Variants in MRTFB observed in about 807,000 individuals in gnomAD.
The protein encoded by MRTFB is myocardin-related transcription factor B.
Under a neutral mutation model 104.2 loss-of-function variants are expected in MRTFB, and 29 were observed. That is an observed-to-expected ratio of 0.28 (90% confidence interval 0.21 to 0.38). The LOEUF is 0.38. Ranked by LOEUF, MRTFB falls within the 10% of genes least tolerant of loss-of-function variation. The probability of loss-of-function intolerance (pLI) is 1.00; values close to 1 mark genes in which losing one functional copy is unlikely to be tolerated. For synonymous variants in MRTFB, 535 were observed against 519.5 expected (o/e 1.03, Z -0.41); for missense variants, 1,270 against 1,341.6 (o/e 0.95, Z 0.83).
chr16:14,022,673 G>A, the MRTFB span, among the ~76,000 whole-genome samples: 2 of 151,734 alleles, frequency 1.3e-5, no homozygotes, highest in Non-Finnish European at 2.9e-5. Flanking sequence ...TTACAGGCAT[G>A]AGCCACCATG....
chr16:14,236,062 C>T (rs1298505663), intron 9 of MRTFB, among the ~76,000 whole-genome samples: 2 of 152,076 alleles, frequency 1.3e-5, no homozygotes, highest in East Asian at 3.9e-4. Flanking sequence ...CACACCTATG[C>T]TCCCAGCTAC....
At chr16:14,126,206 T>A (rs2037102299) in intron 2 of MRTFB, among the ~76,000 whole-genome samples, 1 of 152,122 alleles carries the variant, frequency 6.6e-6, no homozygotes, top group African/African-American at 2.4e-5. Flanking sequence ...TTTTCCTTTT[T>A]AAAAAAACCT....
intron 13 of MRTFB, among the ~76,000 whole-genome samples, chr16:14,250,628 G>C (rs2043213913): frequency 6.6e-6 from 1 of 152,224 alleles, no homozygotes; most frequent in South Asian, 2.1e-4. Flanking sequence ...GGGCCAGGTA[G>C]TAAGAAGCTT....
intron 16 of MRTFB, among the ~76,000 whole-genome samples, chr16:14,259,347 ACAAT>A (rs1389100623): frequency 6.6e-6 from 1 of 152,184 alleles, no homozygotes; most frequent in Non-Finnish European, 1.5e-5. Context: ...AAAATGTGAC[ACAAT>A]CAAGCTATTT....
At chr16:14,141,899 C>T (rs112645476) in intron 3 of MRTFB, 8,548 of 149,170 alleles carry the variant, frequency 0.057, 817 homozygotes, top group African/African-American at 0.2. Flanking sequence ...AGTGCAGTGG[C>T]GTGATCTCTG....
Position 14,088,594 on chromosome 16 carries a change from C to T in MRTFB, c.-64+9240C>T, listed in dbSNP as rs553341074. Among the ~76,000 whole-genome samples, 10 of 152,332 alleles carry T rather than the reference C, an allele frequency of 6.6e-5. 1 individual carries two copies. The South Asian group carries it at 2.1e-3, about 32-fold the overall frequency. ...TTTTCACCATCCTCTATTTCTAATG[C>T]TCTTCATCATCAACTCATGAAGCCA... is the stretch of plus-strand genomic sequence containing the variant. On this transcript the variant is annotated intron_variant, in intron 2 of 16. Transcript: ENST00000571589.
intron 7 of MRTFB, among the ~76,000 whole-genome samples, chr16:14,218,103 A>G (rs1001520260): frequency 6.6e-6 from 1 of 152,152 alleles, no homozygotes; most frequent in Non-Finnish European, 1.5e-5. Flanking sequence ...TCTGTCTCCC[A>G]GGCTGGAGTG....
At chr16:14,039,873 C>T in the MRTFB span, among the ~76,000 whole-genome samples, 1 of 151,410 alleles carries the variant, frequency 6.6e-6, no homozygotes, top group African/African-American at 2.4e-5. Flanking sequence ...CTCAGCCTCC[C>T]AAGTAGCTGG....
chr16:14,220,370 G>C (rs983686031), intron 8 of MRTFB, among the ~76,000 whole-genome samples: 2 of 152,170 alleles, frequency 1.3e-5, no homozygotes, highest in Non-Finnish European at 2.9e-5. Context: ...ACAGCAATTA[G>C]CATGGCCTTA....
chr16:14,184,786 A>G (rs2039889029), intron 3 of MRTFB, among the ~76,000 whole-genome samples: 1 of 152,296 alleles, frequency 6.6e-6, no homozygotes, highest in African/African-American at 2.4e-5. Context: ...CTGGAGCTGG[A>G]GCATATTCTA....
At chr16:14,121,412 GT>G (rs2036838648) in intron 2 of MRTFB, among the ~76,000 whole-genome samples, 1 of 151,870 alleles carries the variant, frequency 6.6e-6, no homozygotes, top group Non-Finnish European at 1.5e-5. Flanking sequence ...CTTTTTTTCT[GT>G]TTTAAAGAAC....
chr16:14,236,749 T>C (rs564653855), intron 9 of MRTFB, among the ~76,000 whole-genome samples: 1 of 152,304 alleles, frequency 6.6e-6, no homozygotes, highest in Admixed American at 6.5e-5. Flanking sequence ...TAGAGCCTTG[T>C]AAGAAGTTAG....
chr16:14,164,374 T>G (rs116001598), intron 3 of MRTFB, among the ~76,000 whole-genome samples: 4,545 of 152,246 alleles, frequency 0.03, 245 homozygotes, highest in African/African-American at 0.1. Flanking sequence ...TCTAGTTCCA[T>G]CCATATTGCT....
chr16:14,025,522 T>C, the MRTFB span, among the ~76,000 whole-genome samples: 1 of 152,194 alleles, frequency 6.6e-6, no homozygotes, highest in Admixed American at 6.5e-5. Flanking sequence ...ATAACCTTCA[T>C]GCGGTGCCTG....
At chr16:14,222,423 A>AT (rs886568560) in intron 8 of MRTFB, among the ~76,000 whole-genome samples, 174 of 149,946 alleles carry the variant, frequency 1.2e-3, no homozygotes, top group East Asian at 2.9e-3. Context: ...TTTTTGTGTG[A>AT]TTTTTTTTTT....
chr16:14,258,355 A>T (rs776701541), intron 16 of MRTFB, among the ~76,000 whole-genome samples, 194 bp downstream of exon 16: 1 of 152,296 alleles, frequency 6.6e-6, no homozygotes, highest in African/African-American at 2.4e-5. Context: ...GCTCACGTCT[A>T]TGATCCCAGC....
At chr16:14,072,847 C>T (rs1265549634) in intron 1 of MRTFB, among the ~76,000 whole-genome samples, 1 of 152,170 alleles carries the variant, frequency 6.6e-6, no homozygotes, top group Non-Finnish European at 1.5e-5. Context: ...TTAGCACAAG[C>T]CCTCCATGGA....
intron 3 of MRTFB, chr16:14,200,374 T>G: frequency 6.2e-7 from 1 of 1,607,790 alleles, no homozygotes; most frequent in Non-Finnish European, 8.5e-7. Flanking sequence ...AGCAGGATAG[T>G]AATGATGACA....
chr16:14,258,591 A>G (rs536693983), intron 16 of MRTFB, among the ~76,000 whole-genome samples: 1 of 152,338 alleles, frequency 6.6e-6, no homozygotes, highest in African/African-American at 2.4e-5. Flanking sequence ...CCACAGATAG[A>G]TGCCTGCTAA....
Sources: allele counts gnomAD v4.1 joint callset (sites outside exome capture counted in the v4.1 genomes callset), GRCh38; gene constraint gnomAD v4.1.1; transcripts MANE v1.5; gene names NCBI Gene and HGNC (gene_info 2026-07-23, HGNC 2026-07-21).